Variants in SYT1 observed in about 807,000 individuals in gnomAD.
SYT1 encodes synaptotagmin 1, also known as synaptotagmin-1.
Under a neutral mutation model 44.8 loss-of-function variants are expected in SYT1, and 8 were observed. The observed-to-expected ratio is 0.18, with a 90% CI of 0.10 to 0.32. The LOEUF is 0.32. Ranked by LOEUF, SYT1 falls within the 10% of genes least tolerant of loss-of-function variation. The probability of loss-of-function intolerance (pLI) is 1.00; values close to 1 mark genes in which losing one functional copy is unlikely to be tolerated. For missense variants in SYT1, 286 were observed against 509.3 expected (o/e 0.56, Z 4.22); for synonymous variants, 154 against 188.8 (o/e 0.82, Z 1.51).
intron 3 of SYT1, among the ~76,000 whole-genome samples, chr12:79,069,124 G>A (rs1876091018): frequency 6.6e-6 from 1 of 152,140 alleles, no homozygotes; most frequent in African/African-American, 2.4e-5. Flanking sequence ...GTAAATTGTT[G>A]TAGTGAATTA....
At chr12:79,393,356 T>C (rs1884744586) in intron 9 of SYT1, 1 of 152,208 alleles carries the variant, frequency 6.6e-6, no homozygotes, top group African/African-American at 2.4e-5. Flanking sequence ...TATTTCTAGT[T>C]CTAGATCCTT....
At chr12:79,139,613 A>G (rs1007849359) in intron 3 of SYT1, among the ~76,000 whole-genome samples, 6 of 152,206 alleles carry the variant, frequency 3.9e-5, no homozygotes, top group African/African-American at 1.4e-4. Flanking sequence ...CTTTTTGATA[A>G]ATAAAAATGA....
At chr12:78,914,505 TTAGA>T in intron 1 of SYT1, among the ~76,000 whole-genome samples, 1 of 58,346 alleles carries the variant, frequency 1.7e-5, no homozygotes, top group South Asian at 3.3e-4. Context: ...GATGCACATG[TTAGA>T]TAGATAGATG....
intron 3 of SYT1, among the ~76,000 whole-genome samples, chr12:79,087,017 C>A (rs945239247): frequency 1.3e-5 from 2 of 152,114 alleles, no homozygotes; most frequent in African/African-American, 4.8e-5. Flanking sequence ...GTATAAAAAA[C>A]CAGAGTTACA....
intron 2 of SYT1, among the ~76,000 whole-genome samples, chr12:79,026,695 AT>A (rs1872561534): frequency 7.1e-6 from 1 of 140,160 alleles, no homozygotes; most frequent in African/African-American, 2.6e-5. Context: ...ATATATATAT[AT>A]ATATATCACA....
At chr12:79,308,599 AAAGAAAGAAAGAAAAAG>A (rs1880569211) in intron 8 of SYT1, among the ~76,000 whole-genome samples, 1 of 84,602 alleles carries the variant, frequency 1.2e-5, no homozygotes, top group Non-Finnish European at 2.4e-5. Flanking sequence ...AAGAAGAAAG[AAAGAAAGAAAGAAAAAG>A]AAAGAAAGAA....
chr12:79,262,432 C>A (rs1002374285), intron 4 of SYT1, among the ~76,000 whole-genome samples: 1 of 144,960 alleles, frequency 6.9e-6, no homozygotes, highest in Non-Finnish European at 1.5e-5. Flanking sequence ...GAGATGAGGA[C>A]CAGAGCCAAG....
At chr12:79,163,853 C>G (rs1339463215) in intron 3 of SYT1, among the ~76,000 whole-genome samples, 1 of 152,012 alleles carries the variant, frequency 6.6e-6, no homozygotes, top group Non-Finnish European at 1.5e-5. Context: ...CTTTTTAAAT[C>G]AAGGGGAGTA....
intron 3 of SYT1, among the ~76,000 whole-genome samples, chr12:79,050,738 C>T (rs1874417878): frequency 6.6e-6 from 1 of 151,980 alleles, no homozygotes; most frequent in Non-Finnish European, 1.5e-5. Flanking sequence ...CAGATTTTAA[C>T]CAATAAAACA....
intron 2 of SYT1, among the ~76,000 whole-genome samples, chr12:79,045,335 T>C (rs1485124329): frequency 6.6e-6 from 1 of 151,712 alleles, no homozygotes; most frequent in Non-Finnish European, 1.5e-5. Context: ...GCGCCATTTT[T>C]TAAGCCGGTC....
intron 2 of SYT1, among the ~76,000 whole-genome samples, chr12:79,020,664 A>G (rs1052643351): frequency 6.6e-6 from 1 of 151,828 alleles, no homozygotes; most frequent in Non-Finnish European, 1.5e-5. Flanking sequence ...ATGAGTTTAT[A>G]TTGCTGCTAT....
chr12:79,069,897 A>G (rs376343175), intron 3 of SYT1, among the ~76,000 whole-genome samples: 13 of 152,248 alleles, frequency 8.5e-5, no homozygotes, highest in South Asian at 8.3e-4. Context: ...ATAGAATAGA[A>G]TTAAGTCTCA....
chr12:79,111,461 C>A (rs1241475951), intron 3 of SYT1, among the ~76,000 whole-genome samples: 1 of 151,938 alleles, frequency 6.6e-6, no homozygotes, highest in Non-Finnish European at 1.5e-5. Context: ...TTTTTTTATT[C>A]ATCTTAACAT....
intron 2 of SYT1, among the ~76,000 whole-genome samples, chr12:79,038,636 T>C (rs896639118): frequency 2.6e-5 from 4 of 151,912 alleles, no homozygotes; most frequent in Non-Finnish European, 5.9e-5. Flanking sequence ...ACCACCAGTT[T>C]TGGCATTTCA....
At chr12:79,179,504 T>TAG (rs529051458) in intron 3 of SYT1, among the ~76,000 whole-genome samples, 394 of 112,518 alleles carry the variant, frequency 3.5e-3, no homozygotes, top group Middle Eastern at 5.6e-3. Context: ...TATATAGATA[T>TAG]AGATATAGAT....
intron 3 of SYT1, among the ~76,000 whole-genome samples, chr12:79,111,685 AG>A (rs1275408695): frequency 1.3e-5 from 2 of 151,906 alleles, no homozygotes; most frequent in African/African-American, 4.8e-5. Context: ...TTAAATAAGA[AG>A]AAACCTGAGA....
intron 4 of SYT1, among the ~76,000 whole-genome samples, chr12:79,249,121 G>C (rs1005671200): frequency 3.3e-4 from 6 of 18,258 alleles, no homozygotes; most frequent in African/African-American, 1.8e-3. Context: ...TTTTTGAGAC[G>C]GAGTCTCGCT....
intron 8 of SYT1, among the ~76,000 whole-genome samples, chr12:79,313,519 T>C (rs1033021575): frequency 8.6e-5 from 13 of 150,860 alleles, no homozygotes; most frequent in African/African-American, 2.9e-4. Context: ...TTGTGTAGGA[T>C]AAGTTAACCT....
At chr12:78,968,091 T>G (rs1400545159) in intron 1 of SYT1, among the ~76,000 whole-genome samples, 1 of 152,146 alleles carries the variant, frequency 6.6e-6, no homozygotes, top group Non-Finnish European at 1.5e-5. Context: ...CATAAAAATT[T>G]ACTATGAAAA....
Sources: allele counts gnomAD v4.1 joint callset (sites outside exome capture counted in the v4.1 genomes callset), GRCh38; gene constraint gnomAD v4.1.1; transcripts MANE v1.5; gene names NCBI Gene and HGNC (gene_info 2026-07-23, HGNC 2026-07-21).